FRMPD4: variants seen among roughly 807,000 people sequenced by gnomAD.
The protein encoded by FRMPD4 is FERM and PDZ domain containing 4, also known as FERM and PDZ domain-containing protein 4.
FRMPD4 carries 22 observed loss-of-function variants against 94.1 expected under a neutral mutation model. The ratio of observed to expected loss-of-function variants is 0.23; its 90% CI spans 0.17 to 0.33. The LOEUF (loss-of-function observed/expected upper bound fraction) is 0.33, where lower values mean the gene tolerates loss of function less well. Ranked by LOEUF, FRMPD4 falls within the 10% of genes least tolerant of loss-of-function variation. FRMPD4 has a pLI of 1.00. For synonymous variants in FRMPD4, 631 were observed against 548.6 expected (o/e 1.15, Z -2.10); for missense variants, 1,111 against 1,339.9 (o/e 0.83, Z 2.67).
At chrX:11,887,975 G>T (rs933448176) in intron 3 of FRMPD4, among the ~76,000 whole-genome samples, 3 of 112,315 alleles carry the variant, frequency 2.7e-5, no homozygotes, top group East Asian at 5.5e-4. Context: ...TTCCAGTACA[G>T]TTAAAACATT....
chrX:12,443,741 G>C (rs759159694), intron 1 of FRMPD4, among the ~76,000 whole-genome samples: 16 of 111,914 alleles, frequency 1.4e-4, no homozygotes, highest in African/African-American at 5.2e-4. Context: ...GTACCTTCTA[G>C]CGTTATTGGT....
chrX:12,360,933 T>C (rs1163182420), intron 1 of FRMPD4, among the ~76,000 whole-genome samples: 3 of 103,735 alleles, frequency 2.9e-5, no homozygotes, highest in Admixed American at 1.1e-4. Flanking sequence ...GGCTTTTTTT[T>C]GCTAAAATCT....
intron 1 of FRMPD4, among the ~76,000 whole-genome samples, chrX:12,198,039 C>T (rs2056585807): frequency 1.8e-5 from 2 of 111,814 alleles, no homozygotes. Flanking sequence ...CTTATTCTTG[C>T]CATATTCTCT....
At chrX:12,164,760 T>A (rs1485279662) in intron 1 of FRMPD4, among the ~76,000 whole-genome samples, 1 of 112,563 alleles carries the variant, frequency 8.9e-6, no homozygotes, top group Non-Finnish European at 1.9e-5. Context: ...TGAGATGGTA[T>A]CTCATTGTGG....
chrX:12,613,700 G>A (rs1010170866), intron 3 of FRMPD4, among the ~76,000 whole-genome samples: 10 of 111,903 alleles, frequency 8.9e-5, no homozygotes, highest in Admixed American at 2.8e-4. Context: ...AAACAGGGCC[G>A]GGTGTAGGGG....
intron 1 of FRMPD4, among the ~76,000 whole-genome samples, chrX:12,425,452 G>A (rs1186508694): frequency 8.9e-6 from 1 of 112,120 alleles, no homozygotes; most frequent in East Asian, 2.8e-4. Flanking sequence ...GAATCTGCAA[G>A]CATTACATTA....
At chrX:12,568,944 T>C (rs2058737363) in intron 2 of FRMPD4, among the ~76,000 whole-genome samples, 1 of 111,910 alleles carries the variant, frequency 8.9e-6, no homozygotes, top group Admixed American at 9.5e-5. Flanking sequence ...TATTAAGAGG[T>C]AGGACTGTTA....
chrX:12,230,670 T>A (rs1397427177), intron 1 of FRMPD4, among the ~76,000 whole-genome samples: 4 of 107,794 alleles, frequency 3.7e-5, no homozygotes, highest in Middle Eastern at 4.8e-3. Flanking sequence ...GAGGCCTGCA[T>A]GGTGAGTGAT....
chrX:12,106,250 C>G (rs906905885), intron 3 of FRMPD4, among the ~76,000 whole-genome samples: 1 of 112,181 alleles, frequency 8.9e-6, no homozygotes, highest in Admixed American at 9.4e-5. Flanking sequence ...GGAGAGGCAG[C>G]TTTGGATTGA....
intron 3 of FRMPD4, among the ~76,000 whole-genome samples, chrX:12,113,935 A>T (rs1425701985): frequency 8.9e-6 from 1 of 112,320 alleles, no homozygotes; most frequent in Non-Finnish European, 1.9e-5. Context: ...ATTTGGAGTT[A>T]TGAAGCATTT....
chrX:12,101,672 A>T (rs1793988287), intron 3 of FRMPD4, among the ~76,000 whole-genome samples: 1 of 111,632 alleles, frequency 9.0e-6, no homozygotes, highest in African/African-American at 3.3e-5. Flanking sequence ...GAAGTAATGA[A>T]TGTTTATTAC....
rs2054565780 is a variant in FRMPD4, at chrX:12,008,548, G to A, written c.95+130530G>A. ...TGCTCAAAGTCATCCTCAGCAGAAG[G>A]CAGAATATAAATAAACAAATACACA... On this transcript the variant is annotated intron_variant, in intron 3 of 18. Coordinates refer to the FRMPD4 transcript ENST00000640291. 2.7e-5 allele frequency among the ~76,000 whole-genome samples: 3 copies of A among 112,639 alleles called. No individual in the cohort carries two copies. The Admixed American group carries it at 2.8e-4, about 11-fold the overall frequency.
At chrX:12,079,507 CTT>C (rs2055046275) in intron 3 of FRMPD4, among the ~76,000 whole-genome samples, 3 of 111,731 alleles carry the variant, frequency 2.7e-5, no homozygotes, top group Non-Finnish European at 3.8e-5. Context: ...CACTTTAAGA[CTT>C]TATTTTTTAG....
At chrX:12,291,031 C>T (rs985832472) in intron 1 of FRMPD4, among the ~76,000 whole-genome samples, 2 of 111,016 alleles carry the variant, frequency 1.8e-5, no homozygotes, top group African/African-American at 3.3e-5. Flanking sequence ...TGCAAATCTT[C>T]GATCTTCCTA....
At chrX:12,046,083 T>G (rs1273715756) in intron 3 of FRMPD4, among the ~76,000 whole-genome samples, 1 of 111,031 alleles carries the variant, frequency 9.0e-6, no homozygotes, top group Non-Finnish European at 1.9e-5. Context: ...GAATATAATC[T>G]TGAATATAAA....
intron 3 of FRMPD4, among the ~76,000 whole-genome samples, chrX:12,059,339 C>T (rs896666529): frequency 3.6e-5 from 4 of 111,914 alleles, no homozygotes; most frequent in Non-Finnish European, 7.5e-5. Flanking sequence ...TAGGTACATA[C>T]AAATTCATGA....
chrX:12,048,580 G>A (rs910519396), intron 3 of FRMPD4, among the ~76,000 whole-genome samples: 1 of 111,628 alleles, frequency 9.0e-6, no homozygotes, highest in African/African-American at 3.3e-5. Context: ...GACCAGAAAG[G>A]TGTTTCCAAG....
chrX:12,574,978 C>A (rs1477237032), intron 2 of FRMPD4, among the ~76,000 whole-genome samples: 1 of 111,797 alleles, frequency 8.9e-6, no homozygotes, highest in Non-Finnish European at 1.9e-5. Flanking sequence ...ACTAGTCTCC[C>A]TTCCTGACAG....
chrX:12,522,585 TTTC>T (rs1316826706), intron 2 of FRMPD4, among the ~76,000 whole-genome samples: 4 of 95,025 alleles, frequency 4.2e-5, no homozygotes, highest in Non-Finnish European at 8.2e-5. Flanking sequence ...GGCAATTGAT[TTTC>T]TTTTCCTTTT....
Sources: allele counts gnomAD v4.1 joint callset (sites outside exome capture counted in the v4.1 genomes callset), GRCh38; gene constraint gnomAD v4.1.1; transcripts MANE v1.5; gene names NCBI Gene and HGNC (gene_info 2026-07-23, HGNC 2026-07-21).